Variants in GON4L observed in about 807,000 individuals in gnomAD.
The protein encoded by GON4L is GON-4-like protein.
A neutral mutation model predicts 211.8 loss-of-function variants in GON4L; 87 were observed. The ratio of observed to expected loss-of-function variants is 0.41; its 90% CI spans 0.35 to 0.49. GON4L has a LOEUF of 0.49. GON4L is among the 20% of genes least tolerant of loss of function. The pLI is 0.15. For synonymous variants in GON4L, 875 were observed against 962.6 expected (o/e 0.91, Z 1.68); for missense variants, 2,155 against 2,659.5 (o/e 0.81, Z 4.17).
At position 155,749,670 on chromosome 1, in the gene GON4L, G is replaced by A. The variant is rs1660399574; in HGVS notation, c.*914C>T. 1.4e-6 allele frequency: 2 copies of A among 1,393,992 alleles called. No individual in the cohort carries two copies. Among genetic ancestry groups the A allele is most frequent in the South Asian group, 1.2e-5 (1 of 80,580 alleles). 86.4% of individuals were successfully genotyped at this position (1,393,992 alleles called of 1,614,324 possible). ...GAAGAAAACTGAGATTTCAAGTATG[G>A]GAGAGGTTTTACTATCTCCATTCCT... On this transcript the variant is annotated 3_prime_UTR_variant, in exon 32 of 32. Coordinates refer to ENST00000368331, the MANE Select transcript of GON4L (RefSeq NM_001282860.2).
chr1:155,759,353 C>T (rs1022110433), intron 24 of GON4L, among the ~76,000 whole-genome samples: 2 of 152,096 alleles, frequency 1.3e-5, no homozygotes, highest in Non-Finnish European at 2.9e-5. Context: ...GGGCAGATCA[C>T]CTGAGGTCTG....
At chr1:155,801,491 C>T (rs1666656488) in intron 11 of GON4L, among the ~76,000 whole-genome samples, 1 of 151,996 alleles carries the variant, frequency 6.6e-6, no homozygotes, top group South Asian at 2.1e-4. Context: ...GTTAGCCCCT[C>T]TACTACAGAG....
At chr1:155,853,124 AG>A in intron 2 of GON4L, 151 bp downstream of exon 2, 1 of 748,318 alleles carries the variant, frequency 1.3e-6, no homozygotes, top group South Asian at 1.6e-5. Flanking sequence ...AAAAAAAAAA[AG>A]TTCACTGTTG....
rs768908282 is a variant in GON4L, at chr1:155,760,619, A to C, written c.4934T>G (p.Ile1645Ser). 1 of 1,613,130 alleles carries C rather than the reference A, an allele frequency of 6.2e-7. No homozygotes were observed. The highest frequency in any genetic ancestry group is 1.3e-5 in the African/African-American group (1 of 74,992). The change falls in exon 24 of 32, where the codon ATC becomes AGC. Residue 1645 changes from isoleucine to serine, a missense_variant. Around this residue, in one of 6 missense-constraint regions of GON4L, gnomAD observed 455 missense variants for 504.6 expected, o/e 0.90. Coordinates refer to ENST00000368331, the MANE Select transcript of GON4L (RefSeq NM_001282860.2). ...AAGGAAGTCTTCATACTTGCCAGGG[A>C]TATGTTGTAGGGCTTCTCGCACCTA... Reference protein sequence around the residue: ...LTRVREALQHIPGKYEDFLQV... With the variant: ...LTRVREALQHSPGKYEDFLQV...
At position 155,815,916 on chromosome 1, in the gene GON4L, T is replaced by A; in HGVS notation, c.1066-16A>T. 1 of 1,394,354 alleles carries A rather than the reference T, an allele frequency of 7.2e-7. No homozygotes were observed. The highest frequency in any genetic ancestry group is 1.0e-6 in the Non-Finnish European group (1 of 980,346). The allele number at this position is 1,394,354 out of a possible 1,614,324, so 86.4% of individuals were successfully genotyped here. ...ACTGAGGAGGCTACATTAGTACAAT[T>A]AGAAAGAAATGAAGTAATGGGAAAC... On this transcript the variant is annotated splice_polypyrimidine_tract_variant and intron_variant, in intron 7 of 31. Transcript: ENST00000368331.
At chr1:155,769,961 G>A (rs1663005153) in intron 19 of GON4L, among the ~76,000 whole-genome samples, 1 of 139,214 alleles carries the variant, frequency 7.2e-6, no homozygotes, top group South Asian at 2.3e-4. Flanking sequence ...GGCTGAGACA[G>A]GAGAATGCCT....
At chr1:155,824,031 C>T (rs994532959) in intron 3 of GON4L, among the ~76,000 whole-genome samples, 2 of 152,124 alleles carry the variant, frequency 1.3e-5, no homozygotes, top group Non-Finnish European at 1.5e-5. Context: ...TTCCACCCAA[C>T]GAAAAAGAAG....
rs549426228 is a variant in GON4L, at chr1:155,853,991, G to A, written c.-26-185C>T. 1.8e-4 allele frequency among the ~76,000 whole-genome samples: 27 copies of A among 152,278 alleles called. 1 individual carries two copies. In the South Asian group the frequency reaches 4.8e-3, roughly 27 times the overall value. The stretch of plus-strand genomic sequence containing the variant: ...ACTGAGTTCAAATCTCAACTCTACT[G>A]ATTACTACTGATGGACTACTGTTAC... On this transcript the variant is annotated intron_variant, in intron 1 of 31. Transcript: ENST00000368331.
At chr1:155,799,693 A>G (rs900890656) in intron 11 of GON4L, among the ~76,000 whole-genome samples, 2 of 152,160 alleles carry the variant, frequency 1.3e-5, no homozygotes, top group African/African-American at 4.8e-5. Flanking sequence ...ACACTCTTCA[A>G]TTCTGATTCA....
At chr1:155,802,700 A>G (rs1282056213) in intron 11 of GON4L, among the ~76,000 whole-genome samples, 1 of 152,226 alleles carries the variant, frequency 6.6e-6, no homozygotes, top group Admixed American at 6.5e-5. Flanking sequence ...TCACTCCTGT[A>G]ATCTCAGCAC....
intron 1 of GON4L, among the ~76,000 whole-genome samples, chr1:155,855,527 G>T (rs2102526682): frequency 6.6e-6 from 1 of 152,168 alleles, no homozygotes; most frequent in South Asian, 2.1e-4. Flanking sequence ...CACCAGTTCA[G>T]TATTTGGGTA....
intron 11 of GON4L, among the ~76,000 whole-genome samples, chr1:155,801,446 T>C (rs1425333703): frequency 2.0e-5 from 3 of 152,154 alleles, no homozygotes; most frequent in African/African-American, 7.2e-5. Flanking sequence ...ACTCCATCTT[T>C]TTCTCCTTAC....
Position 155,820,662 on chromosome 1 carries a change from G to T in GON4L, c.964-6C>A. The T allele has an allele frequency of 6.3e-7, 1 of 1,599,778 alleles. No individual in the cohort carries two copies. The highest frequency in any genetic ancestry group is 8.6e-7 in the Non-Finnish European group (1 of 1,167,262). On this transcript the variant is annotated splice_region_variant and splice_polypyrimidine_tract_variant and intron_variant, in intron 5 of 31. Coordinates refer to ENST00000368331, the MANE Select transcript of GON4L (RefSeq NM_001282860.2). ...GAGCGTGTCATTTTAGGCTCCTAAG[G>T]AGAAAAAAACAGAAAGGAAATCCTC...
chr1:155,766,434 C>A lies in GON4L; in HGVS notation c.3039G>T (p.Gln1013His), dbSNP rs1442512955. Residue 1013 changes from glutamine (Q) to histidine (H), a missense_variant, in exon 21 of 32, where the codon CAG becomes CAT. This residue lies in a region of GON4L where 615 missense variants were observed against 625.7 expected (regional missense o/e 0.98). Transcript: ENST00000368331. Reference sequence around the variant, plus strand: ...GTGTTTTCCCAGGGTTGAAGCTGGGCTGGAGAGAGGGGCTGGGTTGGATAA... The same window carrying A: ...GTGTTTTCCCAGGGTTGAAGCTGGGATGGAGAGAGGGGCTGGGTTGGATAA... Reference protein sequence around the residue: ...PLLIQPSPSLQPSFNPGKTPA... With the variant: ...PLLIQPSPSLHPSFNPGKTPA... The A allele has an allele frequency of 4.3e-6, 7 of 1,613,960 alleles. No individual in the cohort carries two copies. The highest frequency in any genetic ancestry group is 5.1e-6 in the Non-Finnish European group (6 of 1,180,016).
intron 12 of GON4L, among the ~76,000 whole-genome samples, chr1:155,786,249 G>A (rs1664931748): frequency 6.6e-6 from 1 of 152,140 alleles, no homozygotes; most frequent in African/African-American, 2.4e-5. Flanking sequence ...AAAGGAAGAA[G>A]ACAGGAGAAA....
intron 11 of GON4L, 66 bp from the exon 12 acceptor site, chr1:155,795,217 A>T: frequency 1.1e-6 from 1 of 918,184 alleles, no homozygotes. Context: ...ATCTGTTCCA[A>T]TAAAGCACAT....
chr1:155,848,717 C>G (rs1671478275), intron 2 of GON4L, among the ~76,000 whole-genome samples: 1 of 152,080 alleles, frequency 6.6e-6, no homozygotes, highest in Non-Finnish European at 1.5e-5. Flanking sequence ...TTAAATGTCA[C>G]ACAGATAGAG....
At chr1:155,776,183 G>T (rs1268870733) in intron 16 of GON4L, among the ~76,000 whole-genome samples, 23 of 152,178 alleles carry the variant, frequency 1.5e-4, no homozygotes, top group Admixed American at 1.4e-3. Flanking sequence ...ACAGTATTAA[G>T]AAAATTGAAT....
At chr1:155,748,256 A>C (rs577389157), downstream of GON4L, 299 of 1,218,998 alleles carry the variant, frequency 2.5e-4, no homozygotes, top group Non-Finnish European at 2.9e-4. Flanking sequence ...GTGGCCTCTC[A>C]GATCACACTG....
Sources: allele counts gnomAD v4.1 joint callset (sites outside exome capture counted in the v4.1 genomes callset), GRCh38; gene constraint gnomAD v4.1.1; regional missense constraint gnomAD v4.1.1; transcripts MANE v1.5; gene names NCBI Gene and HGNC (gene_info 2026-07-23, HGNC 2026-07-21).